The following ADAMTSL1 variants were observed in gnomAD, a reference collection of about 807,000 sequenced individuals.
ADAMTSL1 encodes the protein ADAMTS like 1.
Under a neutral mutation model 201.8 loss-of-function variants are expected in ADAMTSL1, and 126 were observed. The observed-to-expected ratio is 0.62, with a 90% confidence interval of 0.54 to 0.72. ADAMTSL1 has a LOEUF of 0.72. ADAMTSL1 is among the 30% of genes least tolerant of loss of function. The pLI, the probability that ADAMTSL1 is intolerant of heterozygous loss-of-function variation, is 0.00. For synonymous variants in ADAMTSL1, 1,121 were observed against 903.4 expected (o/e 1.24, Z -4.32); for missense variants, 2,679 against 2,277.8 (o/e 1.18, Z -3.59).
At chr9:18,071,029 A>T (rs1339671838) in intron 1 of ADAMTSL1, among the ~76,000 whole-genome samples, 1 of 152,172 alleles carries the variant, frequency 6.6e-6, no homozygotes, top group African/African-American at 2.4e-5. Flanking sequence ...GCAAGAAAAA[A>T]CAGGGAGGGG....
chr9:18,314,315 G>A (rs1353443759), intron 2 of ADAMTSL1, among the ~76,000 whole-genome samples: 2 of 152,116 alleles, frequency 1.3e-5, no homozygotes, highest in Non-Finnish European at 1.5e-5. Context: ...TATTGTGTCC[G>A]GAATTGGTGG....
intron 1 of ADAMTSL1, among the ~76,000 whole-genome samples, chr9:17,938,967 C>T (rs1470081934): frequency 6.6e-6 from 1 of 152,080 alleles, no homozygotes; most frequent in Non-Finnish European, 1.5e-5. Context: ...TGCCTCTGTG[C>T]CTGTTGGGAG....
rs539597987 is a variant in ADAMTSL1 at position 18,384,216 on chromosome 9, A to G, written c.208-120613A>G. ...AAAATTACAGTCATGTTGGAGGGCA[A>G]AGGGGAAGCAGGCACTATCCTCACA... is the stretch of plus-strand genomic sequence containing the variant. On this transcript the variant is annotated intron_variant, in intron 2 of 29. Transcript: ENST00000680146. Among the ~76,000 whole-genome samples, 6 of 152,212 alleles carry G rather than the reference A, an allele frequency of 3.9e-5. 1 individual carries two copies. In the South Asian group the frequency reaches 1.0e-3, roughly 26 times the overall value.
At chr9:18,693,726 G>A (rs763319776) in intron 13 of ADAMTSL1, among the ~76,000 whole-genome samples, 77 of 152,130 alleles carry the variant, frequency 5.1e-4, no homozygotes, top group Admixed American at 1.0e-3. Flanking sequence ...GCTATTATGT[G>A]AAGTTCTACC....
At chr9:18,391,144 T>G (rs2133222315) in intron 2 of ADAMTSL1, among the ~76,000 whole-genome samples, 1 of 152,316 alleles carries the variant, frequency 6.6e-6, no homozygotes, top group South Asian at 2.1e-4. Context: ...GAGGGAAATC[T>G]CATTTATTTT....
intron 2 of ADAMTSL1, among the ~76,000 whole-genome samples, chr9:18,300,663 A>G (rs964730901): frequency 3.3e-5 from 5 of 152,202 alleles, no homozygotes; most frequent in Admixed American, 6.5e-5. Context: ...CTTCATGAAT[A>G]TATGTCCCTA....
intron 2 of ADAMTSL1, among the ~76,000 whole-genome samples, chr9:18,429,403 C>G (rs1819381300): frequency 6.6e-6 from 1 of 152,156 alleles, no homozygotes; most frequent in Non-Finnish European, 1.5e-5. Context: ...TTCGGAGTCT[C>G]TGTTTGGGTA....
At chr9:18,189,985 A>G (rs1450257594) in intron 2 of ADAMTSL1, among the ~76,000 whole-genome samples, 2 of 152,230 alleles carry the variant, frequency 1.3e-5, no homozygotes, top group African/African-American at 4.8e-5. Flanking sequence ...CAGTTTGCCC[A>G]ATTAAAGGTT....
intron 26 of ADAMTSL1, among the ~76,000 whole-genome samples, chr9:18,901,961 G>A (rs531148439): frequency 6.6e-5 from 10 of 152,162 alleles, no homozygotes; most frequent in African/African-American, 2.2e-4. Flanking sequence ...TGAAGGAATG[G>A]AAAAAGTTAT....
At chr9:18,098,430 G>T (rs1824349698) in intron 1 of ADAMTSL1, among the ~76,000 whole-genome samples, 1 of 151,792 alleles carries the variant, frequency 6.6e-6, no homozygotes. Context: ...GCATTGTTTT[G>T]TAGTATGCAG....
intron 2 of ADAMTSL1, among the ~76,000 whole-genome samples, chr9:18,178,666 G>A (rs1376098867): frequency 1.6e-4 from 24 of 149,372 alleles, no homozygotes; most frequent in Admixed American, 7.4e-4. Context: ...CTCCCAGCAC[G>A]CAGCTGTAGA....
rs35164794 is a variant in ADAMTSL1, at chr9:18,095,416, C to CTTTTT, written c.88-68426_88-68422dup. On this transcript the variant is annotated intron_variant, in intron 1 of 29. Coordinates refer to the ADAMTSL1 transcript ENST00000680146. ...TCCCTGATAAGTTTCTTCTTTCTTT[C>CTTTTT]TTTTTTTTTTTTTTTTTTTTTTTTG... Among the ~76,000 whole-genome samples, 185 of 100,098 alleles carry CTTTTT rather than the reference C, an allele frequency of 1.8e-3. 3 individuals carry two copies. Among genetic ancestry groups the CTTTTT allele is most frequent in the East Asian group, 4.3e-3 (14 of 3,290 alleles). 65.7% of individuals were successfully genotyped at this position (100,098 alleles called of 152,430 possible). A position where few individuals can be genotyped will look rare whatever the true frequency, so the allele number is the denominator to read the frequency against.
At chr9:18,363,026 A>T (rs956894551) in intron 2 of ADAMTSL1, among the ~76,000 whole-genome samples, 1 of 152,286 alleles carries the variant, frequency 6.6e-6, no homozygotes, top group East Asian at 1.9e-4. Flanking sequence ...GAACAAAAGG[A>T]CTCAAGCTAG....
chr9:17,970,453 G>A (rs1818160467), intron 1 of ADAMTSL1, among the ~76,000 whole-genome samples: 1 of 151,966 alleles, frequency 6.6e-6, no homozygotes. Flanking sequence ...TGGGTGTGGA[G>A]TACAGGCCTT....
At chr9:18,513,237 G>A (rs1411500399) in intron 2 of ADAMTSL1, among the ~76,000 whole-genome samples, 1 of 152,080 alleles carries the variant, frequency 6.6e-6, no homozygotes, top group Non-Finnish European at 1.5e-5. Context: ...GCAGTGCTGT[G>A]CAGCAGATCT....
chr9:18,090,906 A>G (rs1823983636), intron 1 of ADAMTSL1, among the ~76,000 whole-genome samples: 1 of 151,978 alleles, frequency 6.6e-6, no homozygotes, highest in Admixed American at 6.6e-5. Flanking sequence ...TCATAACCAC[A>G]TGACCCTTCT....
At chr9:18,066,019 G>A (rs1348337654) in intron 1 of ADAMTSL1, among the ~76,000 whole-genome samples, 5 of 145,932 alleles carry the variant, frequency 3.4e-5, no homozygotes, top group African/African-American at 1.0e-4. Flanking sequence ...AAAAAAGAAT[G>A]GCACCACCAC....
chr9:18,021,104 C>T (rs1820463942), intron 1 of ADAMTSL1, among the ~76,000 whole-genome samples: 1 of 152,128 alleles, frequency 6.6e-6, no homozygotes, highest in Non-Finnish European at 1.5e-5. Context: ...TGGGGCTTTG[C>T]TCAGCAATTT....
chr9:18,627,689 A>G (rs1176900778), intron 5 of ADAMTSL1, among the ~76,000 whole-genome samples: 1 of 152,190 alleles, frequency 6.6e-6, no homozygotes, highest in East Asian at 1.9e-4. Flanking sequence ...CTTCCATATT[A>G]AAGAATGTTT....
Sources: allele counts gnomAD v4.1 joint callset (sites outside exome capture counted in the v4.1 genomes callset), GRCh38; gene constraint gnomAD v4.1.1; transcripts MANE v1.5; gene names NCBI Gene and HGNC (gene_info 2026-07-23, HGNC 2026-07-21).